The following MITF variants were observed in gnomAD, a reference collection of about 807,000 sequenced individuals.
MITF encodes the protein microphthalmia-associated transcription factor.
In MITF, 17 loss-of-function variants were observed where a neutral mutation model predicts 60.5. The observed-to-expected ratio is 0.28, with a 90% CI of 0.19 to 0.42. The LOEUF is 0.42. Ranked by LOEUF, MITF falls within the 10% of genes least tolerant of loss-of-function variation. The probability of loss-of-function intolerance (pLI) is 1.00; values close to 1 mark genes in which losing one functional copy is unlikely to be tolerated. For missense variants in MITF, 622 were observed against 683.5 expected, an observed-to-expected ratio of 0.91 and a Z score of 1.00; for synonymous variants, 260 against 248.5, an observed-to-expected ratio of 1.05 and a Z score of -0.43.
intron 1 of MITF, among the ~76,000 whole-genome samples, chr3:69,830,814 G>A (rs188774008): frequency 5.4e-4 from 82 of 152,198 alleles, no homozygotes; most frequent in Non-Finnish European, 5.7e-4. Flanking sequence ...GCATCCCATC[G>A]GTTATGGTTT....
intron 2 of MITF, among the ~76,000 whole-genome samples, chr3:69,912,776 G>A (rs754228527): frequency 1.3e-5 from 2 of 152,096 alleles, no homozygotes; most frequent in African/African-American, 2.4e-5. Flanking sequence ...CAAGGAATTT[G>A]GGCTGCATCT....
At chr3:69,839,316 C>G (rs1345708717) in intron 1 of MITF, among the ~76,000 whole-genome samples, 1 of 151,754 alleles carries the variant, frequency 6.6e-6, no homozygotes. Flanking sequence ...CACTGCTTTT[C>G]CCACTGGAAG....
At chr3:69,954,151 T>C (rs1166337009) in intron 7 of MITF, among the ~76,000 whole-genome samples, 4 of 152,210 alleles carry the variant, frequency 2.6e-5, no homozygotes, top group African/African-American at 9.7e-5. Flanking sequence ...CACCTAAATA[T>C]TGACAGTGAA....
At chr3:69,781,012 A>G (rs900387963) in intron 1 of MITF, among the ~76,000 whole-genome samples, 1 of 152,172 alleles carries the variant, frequency 6.6e-6, no homozygotes, top group Non-Finnish European at 1.5e-5. Flanking sequence ...GGACATAGCA[A>G]ATTCTCCTGT....
At chr3:69,913,083 G>A (rs542576843) in intron 2 of MITF, among the ~76,000 whole-genome samples, 21 of 151,958 alleles carry the variant, frequency 1.4e-4, no homozygotes, top group East Asian at 3.9e-4. Flanking sequence ...AAAAGCAAGC[G>A]GCAGAAAAAT....
intron 1 of MITF, among the ~76,000 whole-genome samples, chr3:69,820,213 C>T (rs994562372): frequency 6.6e-6 from 1 of 152,136 alleles, no homozygotes; most frequent in African/African-American, 2.4e-5. Flanking sequence ...TCACGTGCTT[C>T]ATTTTGTTTT....
intron 1 of MITF, among the ~76,000 whole-genome samples, chr3:69,876,633 A>T (rs547621147): frequency 3.9e-5 from 6 of 152,198 alleles, no homozygotes; most frequent in Admixed American, 6.5e-5. Context: ...ATTAAATAAT[A>T]TGCAAGGTAT....
At chr3:69,744,483 T>G (rs1214822846) in intron 1 of MITF, among the ~76,000 whole-genome samples, 1 of 152,190 alleles carries the variant, frequency 6.6e-6, no homozygotes, top group Non-Finnish European at 1.5e-5. Flanking sequence ...TTTCCTCATC[T>G]GGCAAATAGG....
intron 2 of MITF, among the ~76,000 whole-genome samples, chr3:69,908,487 C>A (rs1274999649): frequency 6.6e-6 from 1 of 151,982 alleles, no homozygotes; most frequent in Non-Finnish European, 1.5e-5. Flanking sequence ...TTTGGCAATT[C>A]AAAAAATAGT....
At chr3:69,945,222 T>C (rs1270841053) in intron 5 of MITF, among the ~76,000 whole-genome samples, 2 of 152,166 alleles carry the variant, frequency 1.3e-5, no homozygotes, top group Admixed American at 1.3e-4. Context: ...AAAATATTCA[T>C]TTTGGTGGAG....
At chr3:69,955,954 TG>T (rs2066387669) in intron 7 of MITF, among the ~76,000 whole-genome samples, 1 of 152,246 alleles carries the variant, frequency 6.6e-6, no homozygotes, top group Admixed American at 6.5e-5. Context: ...TTTTGAATTT[TG>T]TCAGTAAAAA....
intron 2 of MITF, among the ~76,000 whole-genome samples, chr3:69,905,246 G>A (rs1214078332): frequency 6.6e-6 from 1 of 152,096 alleles, no homozygotes; most frequent in Non-Finnish European, 1.5e-5. Flanking sequence ...TCTTGGGAGA[G>A]AGGCCTGGCT....
At chr3:69,841,579 A>T (rs1344687159) in intron 1 of MITF, among the ~76,000 whole-genome samples, 1 of 152,246 alleles carries the variant, frequency 6.6e-6, no homozygotes, top group Non-Finnish European at 1.5e-5. Flanking sequence ...GGAAACTTTA[A>T]TCAGTCCTCT....
intron 1 of MITF, among the ~76,000 whole-genome samples, chr3:69,745,382 C>T (rs1703683066): frequency 6.6e-6 from 1 of 151,912 alleles, no homozygotes; most frequent in African/African-American, 2.4e-5. Context: ...ACTCATGGGT[C>T]CAGCTAATTA....
intron 1 of MITF, among the ~76,000 whole-genome samples, chr3:69,822,027 G>A (rs2063283683): frequency 6.6e-6 from 1 of 152,202 alleles, no homozygotes; most frequent in South Asian, 2.1e-4. Flanking sequence ...ACAGGCATGA[G>A]CCACCATGCC....
intron 2 of MITF, among the ~76,000 whole-genome samples, chr3:69,926,284 T>C (rs192616345): frequency 1.3e-5 from 2 of 152,338 alleles, no homozygotes; most frequent in Admixed American, 6.5e-5. Context: ...TCTCATGATA[T>C]AGATCCTGAA....
intron 2 of MITF, among the ~76,000 whole-genome samples, chr3:69,905,090 C>G (rs2065069314): frequency 6.6e-6 from 1 of 152,070 alleles, no homozygotes; most frequent in South Asian, 2.1e-4. Context: ...TTAACATATC[C>G]TTGTACCTCT....
intron 1 of MITF, among the ~76,000 whole-genome samples, chr3:69,781,589 G>A (rs1279697631): frequency 6.6e-6 from 1 of 151,994 alleles, no homozygotes; most frequent in Non-Finnish European, 1.5e-5. Flanking sequence ...ACAAAATGTG[G>A]GAGTATACTG....
Position 69,825,922 on chromosome 3 carries a change from T to G in MITF, c.105-53212T>G, listed in dbSNP as rs186912031. On this transcript the variant is annotated intron_variant, in intron 1 of 9. Coordinates refer to ENST00000352241, the MANE Select transcript of MITF (RefSeq NM_001354604.2). ...TGATTTATTTCTTTATATTTATATA[T>G]TAAGATTTACAAAACTTGGAAAAAT... Among the ~76,000 whole-genome samples the G allele has an allele frequency of 4.7e-3, 720 of 152,316 alleles. 1 individual carries two copies. Among genetic ancestry groups the G allele is most frequent in the Non-Finnish European group, 8.2e-3 (558 of 68,036 alleles).
Sources: allele counts gnomAD v4.1 joint callset (sites outside exome capture counted in the v4.1 genomes callset), GRCh38; gene constraint gnomAD v4.1.1; transcripts MANE v1.5; gene names NCBI Gene and HGNC (gene_info 2026-07-23, HGNC 2026-07-21).